Variants in INTS1 observed in about 807,000 individuals in gnomAD.
INTS1 encodes the protein integrator complex subunit 1.
A neutral mutation model predicts 241.6 loss-of-function variants in INTS1; 137 were observed. The observed-to-expected ratio is 0.57, with a 90% CI of 0.49 to 0.65. INTS1 has a LOEUF of 0.65. Among genes scored for constraint, INTS1 ranks in the 30% least tolerant of loss-of-function variants. INTS1 has a pLI of 0.00. For missense variants in INTS1, 3,073 were observed against 3,032.2 expected (o/e 1.01, Z -0.32); for synonymous variants, 1,692 against 1,337.8 (o/e 1.26, Z -5.78).
chr7:1,485,271 C>T lies in INTS1; in HGVS notation c.3156+19G>A. On this transcript the variant is annotated intron_variant, in intron 23 of 47. Transcript: ENST00000404767. ...GCCCTCTCATCTTTCCCTGCCGCGG[C>T]CCCGGTCAGCGCCCTCACCTGCTGC... 1.3e-6 allele frequency: 2 copies of T among 1,599,844 alleles called. No homozygotes were observed. Among genetic ancestry groups the T allele is most frequent in the Non-Finnish European group, 1.7e-6 (2 of 1,175,318 alleles).
rs1239824648 is a variant in INTS1, at chr7:1,482,682, C to T, written c.3567G>A (p.Leu1189=). 6 of 1,612,752 alleles carry T rather than the reference C, an allele frequency of 3.7e-6. No individual in the cohort carries two copies. Among genetic ancestry groups the T allele is most frequent in the Non-Finnish European group, 5.1e-6 (6 of 1,179,842 alleles). The stretch of plus-strand genomic sequence containing the variant: ...TCTCCTCCGGAAACCAGATGTCCAG[C>T]AGCGCCTGGAACTCGCTGTCGTCGG... The part of the protein sequence containing the change: ...PRADDSEFQA[L]LDIWFPEEKP... Residue 1189 remains leucine, a synonymous_variant, in exon 27 of 48, where the codon CTG becomes CTA. Coordinates refer to ENST00000404767, the MANE Select transcript of INTS1 (RefSeq NM_001080453.3).
At chr7:1,504,178 G>A in intron 1 of INTS1, 145 bp downstream of exon 1, 1 of 537,244 alleles carries the variant, frequency 1.9e-6, no homozygotes, top group Non-Finnish European at 3.2e-6. Flanking sequence ...CCCGGGAGCG[G>A]CTCAGTCGGG....
chr7:1,487,007 A>AG lies in INTS1; in HGVS notation c.2740dup (p.Leu914ProfsTer51), dbSNP rs756014801. 1 of 1,605,756 alleles carries AG rather than the reference A, an allele frequency of 6.2e-7. No homozygotes were observed. Among genetic ancestry groups the AG allele is most frequent in the Non-Finnish European group, 8.5e-7 (1 of 1,178,430 alleles). On this transcript the variant is annotated frameshift_variant, in exon 21 of 48. Transcript: ENST00000404767. LOFTEE classifies it high-confidence loss of function. The stretch of plus-strand genomic sequence containing the variant: ...AGCATCGTCCACAGCATCGTGCAGC[A>AG]GGAACTCGCACAGACACTGCACGGG...
chr7:1,471,412 C>T (rs1192232967), intron 45 of INTS1, among the ~76,000 whole-genome samples, 159 bp downstream of exon 45: 1 of 152,160 alleles, frequency 6.6e-6, no homozygotes, highest in African/African-American at 2.4e-5. Flanking sequence ...CTGGCGGCGG[C>T]TTGACTGTGA....
intron 45 of INTS1, 81 bp from the exon 46 acceptor site, chr7:1,471,305 G>A (rs1781457819): frequency 7.1e-7 from 1 of 1,413,868 alleles, no homozygotes; most frequent in Non-Finnish European, 9.7e-7. Context: ...GTCTCGTGAT[G>A]GTTGGCGGCA....
Position 1,500,238 on chromosome 7 carries a change from G to A in INTS1, c.478C>T (p.Leu160Phe), listed in dbSNP as rs778462590. 1 of 1,605,716 alleles carries A rather than the reference G, an allele frequency of 6.2e-7. No individual in the cohort carries two copies. The highest frequency in any genetic ancestry group is 8.5e-7 in the Non-Finnish European group (1 of 1,175,562). The part of the protein sequence containing the change: ...KVTRAKPDST[L>F]YLSLMYLAKI... ...GCCAGGTACATGAGGCTCAGGTAGA[G>A]GGTGCTGTCAGGCTTGGCGCGGGTG... Residue 160 changes from leucine to phenylalanine, a missense_variant, in exon 4 of 48, where the codon CTC becomes TTC. Transcript: ENST00000404767.
intron 18 of INTS1, 81 bp from the exon 19 acceptor site, chr7:1,488,038 G>C: frequency 6.9e-7 from 1 of 1,458,898 alleles, no homozygotes; most frequent in South Asian, 1.2e-5. Flanking sequence ...GGTCAAGGAG[G>C]GTAAAACCCC....
intron 1 of INTS1, 21 bp from the exon 2 acceptor site, chr7:1,504,022 G>A (rs1036227121): frequency 6.3e-6 from 8 of 1,269,946 alleles, no homozygotes; most frequent in Middle Eastern, 1.9e-4. Context: ...GCCAGCGTGC[G>A]GTCATTCCTT....
At position 1,478,992 on chromosome 7, in the gene INTS1, G is replaced by A. The variant is rs538035661; in HGVS notation, c.4330-107C>T. ...GAGGCTGCTGAGACCTGCCGCGACC[G>A]GCACTTGGAGCCTGGGCCAACCTCA... On this transcript the variant is annotated intron_variant, in intron 31 of 47. Transcript: ENST00000404767. 238 of 1,294,874 alleles carry A rather than the reference G, an allele frequency of 1.8e-4. 1 individual carries two copies. The highest frequency in any genetic ancestry group is 4.7e-4 in the Admixed American group (19 of 40,812). 80.2% of individuals were successfully genotyped at this position (1,294,874 alleles called of 1,614,324 possible). A position where few individuals can be genotyped will look rare whatever the true frequency, so the allele number is the denominator to read the frequency against.
At chr7:1,483,891 G>A in intron 25 of INTS1, 38 bp from the exon 26 acceptor site, 1 of 1,595,906 alleles carries the variant, frequency 6.3e-7, no homozygotes, top group East Asian at 2.3e-5. Context: ...GTAAGGTTCA[G>A]GGACCCTGAG....
chr7:1,477,441 G>A lies in INTS1; in HGVS notation c.4938+109C>T, dbSNP rs529068690. Reference sequence around the variant, plus strand: ...GGACACATGGCCTGAGAGCAGGGGGGGTGCTGGGGCCCCTGCAAGGCTCGC... The same window carrying A: ...GGACACATGGCCTGAGAGCAGGGGGAGTGCTGGGGCCCCTGCAAGGCTCGC... On this transcript the variant is annotated intron_variant, in intron 35 of 47. Transcript: ENST00000404767. The A allele has an allele frequency of 1.9e-5, 24 of 1,261,408 alleles. No homozygotes were observed. The East Asian group carries it at 5.9e-4, about 31-fold the overall frequency. The allele number at this position is 1,261,408 out of a possible 1,614,324, so 78.1% of individuals were successfully genotyped here. A position where few individuals can be genotyped will look rare whatever the true frequency, so the allele number is the denominator to read the frequency against.
At position 1,500,256 on chromosome 7, in the gene INTS1, C is replaced by A; in HGVS notation, c.460G>T (p.Ala154Ser). Residue 154 changes from alanine (A) to serine (S), a missense_variant, in exon 4 of 48, where the codon GCC becomes TCC. Physicochemically the swap from Ala to Ser is moderately conservative, Grantham distance 99. Transcript: ENST00000404767. ...GAVKQLKVTR[A>S]KPDSTLYLSL... is the part of the protein sequence containing the mutation. ...AGGTAGAGGGTGCTGTCAGGCTTGG[C>A]GCGGGTGACCTTCAGCTGCTTCACG... The A allele has an allele frequency of 6.2e-7, 1 of 1,603,398 alleles. No homozygotes were observed. The highest frequency in any genetic ancestry group is 8.5e-7 in the Non-Finnish European group (1 of 1,174,794).
At position 1,498,287 on chromosome 7, in the gene INTS1, G is replaced by A. The variant is rs190467757; in HGVS notation, c.1425+125C>T. On this transcript the variant is annotated intron_variant, in intron 10 of 47. Coordinates refer to ENST00000404767, the MANE Select transcript of INTS1 (RefSeq NM_001080453.3). The stretch of plus-strand genomic sequence containing the variant: ...ACGTGAGTTTCAAAAGCTCCTTCCC[G>A]AGACCGAGGAGCATTCTCCCACGAA... The A allele has an allele frequency of 2.2e-4, 321 of 1,432,004 alleles. 2 individuals are homozygous for A. The East Asian group carries it at 5.9e-3, about 26-fold the overall frequency. 88.7% of individuals were successfully genotyped at this position (1,432,004 alleles called of 1,614,324 possible). A position where few individuals can be genotyped will look rare whatever the true frequency, so the allele number is the denominator to read the frequency against.
intron 39 of INTS1, 123 bp downstream of exon 39, chr7:1,475,825 G>A (rs775133052): frequency 3.8e-5 from 47 of 1,249,364 alleles, no homozygotes; most frequent in African/African-American, 1.5e-4. Context: ...AGGGCGGCGC[G>A]GACTGGGAAG....
Position 1,484,956 on chromosome 7 carries a change from C to T in INTS1, c.3261+142G>A, listed in dbSNP as rs953320002. The stretch of plus-strand genomic sequence containing the variant: ...GTCTCTGTGCTGACCCCGTCCCCTC[C>T]CCAGGGCCACACTGCCGGCTGGCCC... On this transcript the variant is annotated intron_variant, in intron 24 of 47. Transcript: ENST00000404767. 53 of 575,946 alleles carry T rather than the reference C, an allele frequency of 9.2e-5. 1 individual carries two copies. Among genetic ancestry groups the T allele is most frequent in the Non-Finnish European group, 1.5e-4 (48 of 324,768 alleles). 35.7% of individuals were successfully genotyped at this position (575,946 alleles called of 1,614,324 possible).
Position 1,474,324 on chromosome 7 carries a change from G to T in INTS1, c.5673C>A (p.Arg1891=). Residue 1891 remains arginine (R), a synonymous_variant, in exon 41 of 48, where the codon CGC becomes CGA. Transcript: ENST00000404767. ...LPMIAALLHG[R]THLNFQEFRQ... is the part of the protein sequence containing the mutation. ...GGAACTCCTGGAAGTTGAGGTGGGT[G>T]CGGCCGTGCAGGAGCGCCGCGATCA... 1 of 1,606,670 alleles carries T rather than the reference G, an allele frequency of 6.2e-7. No individual in the cohort carries two copies.
rs1289885923 is a variant in INTS1, at chr7:1,477,642, C to T, written c.4846G>A (p.Gly1616Ser). 1.3e-6 allele frequency: 2 copies of T among 1,591,446 alleles called. No individual in the cohort carries two copies. Among genetic ancestry groups the T allele is most frequent in the African/African-American group, 2.7e-5 (2 of 74,588 alleles). ...LEAVRLGPSS[G>S]LLVDWLEMLD... ...ATTTCCAGCCAGTCCACTAGGAGGC[C>T]TGACGAGGGCCCCAGCCGCACGGCC... Residue 1616 changes from glycine to serine, a missense_variant, in exon 35 of 48, where the codon GGC (glycine) becomes AGC (serine). Transcript: ENST00000404767.
chr7:1,502,859 G>C (rs756536631), intron 3 of INTS1, 42 bp downstream of exon 3: 1 of 1,606,070 alleles, frequency 6.2e-7, no homozygotes, highest in Non-Finnish European at 8.5e-7. Flanking sequence ...TGGACGGCAT[G>C]AGCTGAGGGG....
In INTS1 at chr7:1,470,287, G is replaced by A. The variant is rs1242238994; in HGVS notation, c.*290C>T. 1.0e-5 allele frequency: 4 copies of A among 395,968 alleles called. No individual in the cohort carries two copies. The highest frequency in any genetic ancestry group is 8.4e-5 in the African/African-American group (4 of 47,480). The allele number at this position is 395,968 out of a possible 1,614,324, so 24.5% of individuals were successfully genotyped here. A position where few individuals can be genotyped will look rare whatever the true frequency, so the allele number is the denominator to read the frequency against. ...ACCAGAGAGCACACAGACAGTTCAG[G>A]TCGTTTCATTCAAAACCAGCCCAGG... On this transcript the variant is annotated 3_prime_UTR_variant, in exon 48 of 48. Coordinates refer to ENST00000404767, the MANE Select transcript of INTS1 (RefSeq NM_001080453.3).
Sources: gnomAD v4.1 joint callset for allele counts (sites outside exome capture counted in the v4.1 genomes callset) on GRCh38, gnomAD v4.1.1 for gene constraint, MANE v1.5 for transcripts, NCBI Gene and HGNC (gene_info 2026-07-23, HGNC 2026-07-21) for gene names.